C2CD5: variants seen among roughly 807,000 people sequenced by gnomAD.
The protein encoded by C2CD5 is C2 domain-containing protein 5.
In C2CD5, 109 loss-of-function variants were observed where a neutral mutation model predicts 130.3. The ratio of observed to expected loss-of-function variants is 0.84; its 90% CI spans 0.72 to 0.98. The LOEUF is 0.98. Ranked by LOEUF, C2CD5 falls within the 50% of genes least tolerant of loss-of-function variation. The pLI is 0.00. For missense variants in C2CD5, 996 were observed against 1,261.8 expected (o/e 0.79, Z 3.19); for synonymous variants, 454 against 429.2 (o/e 1.06, Z -0.71).
intron 10 of C2CD5, among the ~76,000 whole-genome samples, chr12:22,499,582 A>C (rs1311531807): frequency 6.6e-6 from 1 of 152,198 alleles, no homozygotes; most frequent in African/African-American, 2.4e-5. Flanking sequence ...CTATGTAGCC[A>C]AGGTTACCAC....
Position 22,482,587 on chromosome 12 carries a change from T to C in C2CD5, c.1707A>G (p.Thr569=). The C allele has an allele frequency of 6.2e-7, 1 of 1,613,860 alleles. No homozygotes were observed. Among genetic ancestry groups the C allele is most frequent in the Non-Finnish European group, 8.5e-7 (1 of 1,179,862 alleles). The change falls in exon 14 of 27, where the codon ACA becomes ACG. Residue 569 remains threonine (T), a synonymous_variant. Coordinates refer to ENST00000446597, the MANE Select transcript of C2CD5 (RefSeq NM_001286176.2). Reference sequence around the variant, plus strand: ...AGCCCATCAACATATTTTCACCCACTGTGATCTGAATTCTTAGTCCAAACA... The same window carrying C: ...AGCCCATCAACATATTTTCACCCACCGTGATCTGAATTCTTAGTCCAAACA... ...NALFGLRIQI[T]VGENMLMGLA...
intron 14 of C2CD5, among the ~76,000 whole-genome samples, chr12:22,478,930 G>C (rs1302582617): frequency 6.6e-6 from 1 of 152,120 alleles, no homozygotes; most frequent in Non-Finnish European, 1.5e-5. Context: ...GGTATACATA[G>C]GACATCTCTG....
At chr12:22,466,539 C>G (rs1395844899) in intron 22 of C2CD5, among the ~76,000 whole-genome samples, 1 of 152,090 alleles carries the variant, frequency 6.6e-6, no homozygotes, top group African/African-American at 2.4e-5. Context: ...TTACAACACG[C>G]AATTACTCCA....
At chr12:22,534,623 T>C (rs1317291373) in intron 3 of C2CD5, 2 of 152,220 alleles carry the variant, frequency 1.3e-5, no homozygotes, top group Non-Finnish European at 2.9e-5. Flanking sequence ...CATGTTACAG[T>C]GTGGATGAAC....
rs777134331 is a variant in C2CD5 at position 22,451,696 on chromosome 12, GA to G, written c.3025-1806del. On this transcript the variant is annotated intron_variant, in intron 26 of 26. Transcript: ENST00000446597. The stretch of plus-strand genomic sequence containing the variant: ...CTACAAAGTACTAGAAATGAAAAAA[GA>G]AAAAAAAAAAGCACAGTTCATTTGG... 4.7e-3 allele frequency among the ~76,000 whole-genome samples: 643 copies of G among 136,252 alleles called. 2 individuals are homozygous for G. The highest frequency in any genetic ancestry group is 7.3e-3 in the Non-Finnish European group (452 of 62,036). The allele number at this position is 136,252 out of a possible 152,430, so 89.4% of individuals were successfully genotyped here.
chr12:22,494,354 A>C (rs1430979251), intron 10 of C2CD5, among the ~76,000 whole-genome samples: 1 of 152,086 alleles, frequency 6.6e-6, no homozygotes, highest in Non-Finnish European at 1.5e-5. Flanking sequence ...AAAACCAAAA[A>C]ATCCAAAGTT....
At chr12:22,543,637 G>A (rs1249959117) in intron 2 of C2CD5, among the ~76,000 whole-genome samples, 2 of 152,152 alleles carry the variant, frequency 1.3e-5, no homozygotes, top group Non-Finnish European at 2.9e-5. Context: ...TGGCTGCGGG[G>A]CCACACCTTG....
At chr12:22,499,362 A>G (rs1293237689) in intron 10 of C2CD5, among the ~76,000 whole-genome samples, 1 of 152,254 alleles carries the variant, frequency 6.6e-6, no homozygotes, top group African/African-American at 2.4e-5. Flanking sequence ...GTACTCAGGT[A>G]CAAATTGTGG....
chr12:22,530,243 T>C (rs1345100683), intron 3 of C2CD5, among the ~76,000 whole-genome samples: 2 of 148,468 alleles, frequency 1.3e-5, no homozygotes, highest in African/African-American at 5.0e-5. Context: ...TATGTGTATA[T>C]GTATACATAC....
chr12:22,515,934 GA>G (rs1341135178), intron 8 of C2CD5, among the ~76,000 whole-genome samples: 1 of 150,022 alleles, frequency 6.7e-6, no homozygotes, highest in African/African-American at 2.4e-5. Context: ...AAATACTTGG[GA>G]AAAAATATAA....
chr12:22,503,679 T>C (rs768659127), intron 10 of C2CD5, among the ~76,000 whole-genome samples: 1 of 152,082 alleles, frequency 6.6e-6, no homozygotes, highest in Non-Finnish European at 1.5e-5. Flanking sequence ...GCCCGGATAG[T>C]TTTTGTATTT....
intron 13 of C2CD5, among the ~76,000 whole-genome samples, chr12:22,483,151 A>G (rs1374583777): frequency 6.6e-6 from 1 of 152,156 alleles, no homozygotes; most frequent in Non-Finnish European, 1.5e-5. Context: ...CATGTACCCT[A>G]TAAATACATA....
intron 21 of C2CD5, among the ~76,000 whole-genome samples, chr12:22,470,575 A>G (rs1942863808): frequency 6.6e-6 from 1 of 152,110 alleles, no homozygotes; most frequent in Non-Finnish European, 1.5e-5. Flanking sequence ...ATAGGCTATA[A>G]TTTAAGTCTA....
At chr12:22,473,781 A>T (rs1049919669) in intron 16 of C2CD5, among the ~76,000 whole-genome samples, 3 of 152,174 alleles carry the variant, frequency 2.0e-5, no homozygotes, top group African/African-American at 7.2e-5. Flanking sequence ...TCCCAGGTAG[A>T]GCTGACGCCA....
In C2CD5 at chr12:22,457,266, G is replaced by A. The variant is rs535318881; in HGVS notation, c.2687-105C>T. 9 of 653,968 alleles carry A rather than the reference G, an allele frequency of 1.4e-5. 1 individual carries two copies. Among genetic ancestry groups the A allele is most frequent in the Middle Eastern group, 2.6e-4 (1 of 3,838 alleles). The allele number at this position is 653,968 out of a possible 1,614,324, so 40.5% of individuals were successfully genotyped here. ...GTGACAACATTCAGCTGTCTGTGAG[G>A]CTAAGCCATGTCATGAAAGAAAAGA... On this transcript the variant is annotated intron_variant, in intron 24 of 26. Transcript: ENST00000446597.
At chr12:22,501,374 A>G (rs907802894) in intron 10 of C2CD5, among the ~76,000 whole-genome samples, 3 of 152,072 alleles carry the variant, frequency 2.0e-5, no homozygotes, top group African/African-American at 7.2e-5. Flanking sequence ...TTCCATTTCC[A>G]AGACTGTTCT....
chr12:22,528,688 G>A (rs985856505), intron 3 of C2CD5, among the ~76,000 whole-genome samples: 2 of 152,152 alleles, frequency 1.3e-5, no homozygotes, highest in Non-Finnish European at 2.9e-5. Context: ...GTCCATGGAT[G>A]TTCTTCTTTA....
chr12:22,508,108 T>A (rs1948782776), intron 9 of C2CD5, among the ~76,000 whole-genome samples: 1 of 152,078 alleles, frequency 6.6e-6, no homozygotes, highest in South Asian at 2.1e-4. Flanking sequence ...AAAAGCATGA[T>A]CACAAAGCAC....
rs375642765 is a variant in C2CD5 at position 22,462,694 on chromosome 12, A to G, written c.2534-3152T>C. On this transcript the variant is annotated intron_variant, in intron 22 of 26. Transcript: ENST00000446597. ...CCATTCTTCTAAATAACTTGTCGTAACCAATGGCAAAGGTATTCGTTAGCT... is the reference window on the plus strand; with the variant it reads ...CCATTCTTCTAAATAACTTGTCGTAGCCAATGGCAAAGGTATTCGTTAGCT... 8.5e-5 allele frequency among the ~76,000 whole-genome samples: 13 copies of G among 152,330 alleles called. 2 individuals carry two copies.
Sources: gnomAD v4.1 joint callset for allele counts (sites outside exome capture counted in the v4.1 genomes callset) on GRCh38, gnomAD v4.1.1 for gene constraint, MANE v1.5 for transcripts, NCBI Gene and HGNC (gene_info 2026-07-23, HGNC 2026-07-21) for gene names.